The following BICRAL variants were observed in gnomAD, a reference collection of about 807,000 sequenced individuals.
BICRAL encodes BRD4-interacting chromatin-remodeling complex-associated protein-like.
A neutral mutation model predicts 91.8 loss-of-function variants in BICRAL; 8 were observed. That is an observed-to-expected ratio of 0.09 (90% confidence interval 0.05 to 0.16). BICRAL has a LOEUF of 0.16. BICRAL is among the 10% of genes least tolerant of loss of function. BICRAL has a pLI of 1.00. For synonymous variants in BICRAL, 445 were observed against 491.1 expected, an observed-to-expected ratio of 0.91 and a Z score of 1.24; for missense variants, 1,038 against 1,310.9, an observed-to-expected ratio of 0.79 and a Z score of 3.21.
At chr6:42,765,270 G>C (rs1160214761) in intron 1 of BICRAL, among the ~76,000 whole-genome samples, 1 of 152,226 alleles carries the variant, frequency 6.6e-6, no homozygotes, top group Non-Finnish European at 1.5e-5. Flanking sequence ...TTGGAGGACG[G>C]AATAATGGCA....
intron 1 of BICRAL, among the ~76,000 whole-genome samples, chr6:42,792,181 A>T (rs920755483): frequency 9.2e-5 from 14 of 152,166 alleles, no homozygotes; most frequent in Non-Finnish European, 1.9e-4. Context: ...TGAACTTAAT[A>T]AACACCATAC....
chr6:42,803,954 C>T (rs904187666), intron 1 of BICRAL, among the ~76,000 whole-genome samples: 1 of 152,200 alleles, frequency 6.6e-6, no homozygotes, highest in East Asian at 1.9e-4. Context: ...ATTTGTGTGT[C>T]TAAACCTATT....
chr6:42,760,690 G>A (rs1280875058), intron 1 of BICRAL, among the ~76,000 whole-genome samples: 1 of 152,118 alleles, frequency 6.6e-6, no homozygotes, highest in Non-Finnish European at 1.5e-5. Flanking sequence ...ACAGGCATGA[G>A]CCACTGTGTC....
At chr6:42,854,079 G>A (rs1243148837) in intron 8 of BICRAL, among the ~76,000 whole-genome samples, 6 of 152,120 alleles carry the variant, frequency 3.9e-5, no homozygotes, top group South Asian at 2.1e-4. Flanking sequence ...ATATCAAAGC[G>A]AATCTCTTCT....
intron 1 of BICRAL, among the ~76,000 whole-genome samples, chr6:42,801,274 G>A (rs1266443424): frequency 1.3e-5 from 2 of 150,380 alleles, no homozygotes; most frequent in East Asian, 1.9e-4. Flanking sequence ...AAAAGAGAGC[G>A]AGAGAGAGAA....
chr6:42,857,606 A>ATATATAT (rs1562497905), intron 10 of BICRAL, among the ~76,000 whole-genome samples: 36 of 99,442 alleles, frequency 3.6e-4, no homozygotes, highest in African/African-American at 2.4e-3. Flanking sequence ...CTCTTAAAAA[A>ATATATAT]AAAAAAAAAT....
chr6:42,790,478 G>T (rs757934314), intron 1 of BICRAL, among the ~76,000 whole-genome samples: 19 of 150,784 alleles, frequency 1.3e-4, no homozygotes, highest in Non-Finnish European at 2.2e-4. Flanking sequence ...ATCCTGCCGA[G>T]AAAATCATTT....
At chr6:42,779,363 T>C (rs1582810125), upstream of BICRAL, among the ~76,000 whole-genome samples, 1 of 152,120 alleles carries the variant, frequency 6.6e-6, no homozygotes, top group South Asian at 2.1e-4. Flanking sequence ...GAAATGTAAT[T>C]CTTAGAAATG....
intron 1 of BICRAL, among the ~76,000 whole-genome samples, chr6:42,785,879 C>G (rs975573769): frequency 6.6e-6 from 1 of 152,186 alleles, no homozygotes; most frequent in Non-Finnish European, 1.5e-5. Flanking sequence ...CGTGGTGAAA[C>G]CCCGTTTCTA....
chr6:42,792,038 T>C (rs1465632006), intron 1 of BICRAL, among the ~76,000 whole-genome samples: 1 of 152,048 alleles, frequency 6.6e-6, no homozygotes, highest in African/African-American at 2.4e-5. Flanking sequence ...AGTAAAAATA[T>C]GATACAAAAG....
rs368925549 is a variant in BICRAL at position 42,864,960 on chromosome 6, T to C, written c.2754T>C (p.Ser918=). ...GCTTAGTGCAGTACCAGAGCACGTCTGAAGAGAAGGCCAGCCGGAGAGAGC... is the reference window on the plus strand; with the variant it reads ...GCTTAGTGCAGTACCAGAGCACGTCCGAAGAGAAGGCCAGCCGGAGAGAGC... ...KVGLVQYQST[S]EEKASRREPL... Residue 918 remains serine (S), a synonymous_variant, in exon 13 of 13, where the codon TCT becomes TCC. Coordinates refer to ENST00000314073, the MANE Select transcript of BICRAL (RefSeq NM_001393499.1). The C allele has an allele frequency of 1.5e-4, 237 of 1,614,118 alleles. 1 individual carries two copies. Among genetic ancestry groups the C allele is most frequent in the East Asian group, 2.0e-4 (9 of 44,884 alleles).
rs1443016492 is a variant in BICRAL, at chr6:42,867,009, G to C, written c.*1563G>C. 1.1e-5 allele frequency: 4 copies of C among 363,614 alleles called. No individual in the cohort carries two copies. The highest frequency in any genetic ancestry group is 2.2e-5 in the Non-Finnish European group (4 of 181,202). 22.5% of individuals were successfully genotyped at this position (363,614 alleles called of 1,614,324 possible). On this transcript the variant is annotated 3_prime_UTR_variant, in exon 13 of 13. Coordinates refer to ENST00000314073, the MANE Select transcript of BICRAL (RefSeq NM_001393499.1). ...GTGCACACTCACTCTCCTTCTTAGT[G>C]TGCATACTCTCTCATTTATTCTGTT... is the stretch of plus-strand genomic sequence containing the variant.
chr6:42,844,206 C>CA (rs1764907385), intron 6 of BICRAL, among the ~76,000 whole-genome samples: 2 of 150,422 alleles, frequency 1.3e-5, no homozygotes, highest in African/African-American at 4.9e-5. Context: ...AGCACCTCAA[C>CA]ATTTAGGCTA....
At chr6:42,763,360 A>G (rs985118701) in intron 1 of BICRAL, among the ~76,000 whole-genome samples, 4 of 152,234 alleles carry the variant, frequency 2.6e-5, no homozygotes, top group African/African-American at 4.8e-5. Flanking sequence ...AAAAGCTTTT[A>G]TATAAATGCT....
intron 6 of BICRAL, among the ~76,000 whole-genome samples, chr6:42,842,856 ATTT>A (rs35206768): frequency 1.4e-5 from 2 of 142,390 alleles, no homozygotes; most frequent in Non-Finnish European, 3.1e-5. Flanking sequence ...AGAACACAGT[ATTT>A]TTTTTTTTTT....
At chr6:42,780,657 G>A (rs939019821), upstream of BICRAL, among the ~76,000 whole-genome samples, 3 of 152,090 alleles carry the variant, frequency 2.0e-5, no homozygotes, top group Non-Finnish European at 4.4e-5. Flanking sequence ...AAAACCCCTA[G>A]TATATTTTGT....
At position 42,865,588 on chromosome 6, in the gene BICRAL, T is replaced by G. The variant is rs544395369; in HGVS notation, c.*142T>G. The G allele has an allele frequency of 5.9e-5, 36 of 609,954 alleles. No individual in the cohort carries two copies. In the East Asian group the frequency reaches 6.9e-4, roughly 12 times the overall value. 37.8% of individuals were successfully genotyped at this position (609,954 alleles called of 1,614,324 possible). On this transcript the variant is annotated 3_prime_UTR_variant, in exon 13 of 13. Transcript: ENST00000314073. The stretch of plus-strand genomic sequence containing the variant: ...TTGATCTTTCATCACAGGTTATTCT[T>G]TCTAATCTCAATCCTGTTCTTTGTT...
At chr6:42,759,394 C>A (rs887655513) in intron 1 of BICRAL, among the ~76,000 whole-genome samples, 4 of 151,882 alleles carry the variant, frequency 2.6e-5, no homozygotes, top group African/African-American at 7.3e-5. Context: ...TTTACATGGA[C>A]AAAAATAAAC....
chr6:42,859,652 T>A (rs420052), intron 10 of BICRAL, among the ~76,000 whole-genome samples: 110,463 of 151,598 alleles, frequency 0.73, 40,446 homozygotes, highest in Middle Eastern at 0.82. Context: ...ATATATATAT[T>A]TTTTTTTGAG....
Sources: gnomAD v4.1 joint callset for allele counts (sites outside exome capture counted in the v4.1 genomes callset) on GRCh38, gnomAD v4.1.1 for gene constraint, MANE v1.5 for transcripts, NCBI Gene and HGNC (gene_info 2026-07-23, HGNC 2026-07-21) for gene names.